The following NRXN3 variants were observed in gnomAD, a reference collection of about 807,000 sequenced individuals.
NRXN3 encodes neurexin III.
In NRXN3, 32 loss-of-function variants were observed where a neutral mutation model predicts 137.6. The observed-to-expected ratio is 0.23, with a 90% CI of 0.18 to 0.31. The LOEUF (loss-of-function observed/expected upper bound fraction) is 0.31. Ranked by LOEUF, NRXN3 falls within the 10% of genes least tolerant of loss-of-function variation. NRXN3 has a pLI of 1.00. For synonymous variants in NRXN3, 798 were observed against 784.5 expected (o/e 1.02, Z -0.29); for missense variants, 1,574 against 2,062.5 (o/e 0.76, Z 4.59).
intron 6 of NRXN3, among the ~76,000 whole-genome samples, chr14:78,680,273 G>C (rs1170479003): frequency 6.6e-6 from 1 of 152,058 alleles, no homozygotes; most frequent in East Asian, 1.9e-4. Context: ...AATAACTAAT[G>C]AGTGCTAGGC....
chr14:79,720,712 CAGTT>C (rs201193734), intron 19 of NRXN3, among the ~76,000 whole-genome samples: 2,592 of 152,054 alleles, frequency 0.017, 28 homozygotes, highest in Middle Eastern at 0.027. Context: ...AAACTAAAGA[CAGTT>C]AAGTCAATTG....
At chr14:78,616,738 T>C (rs1051547453) in intron 4 of NRXN3, among the ~76,000 whole-genome samples, 1 of 152,242 alleles carries the variant, frequency 6.6e-6, no homozygotes, top group Non-Finnish European at 1.5e-5. Context: ...TGTGAGATAA[T>C]GCACTCTGCT....
chr14:78,505,558 G>C (rs2153782163), intron 4 of NRXN3, among the ~76,000 whole-genome samples: 1 of 152,186 alleles, frequency 6.6e-6, no homozygotes, highest in South Asian at 2.1e-4. Flanking sequence ...CTCTAAAAAT[G>C]CTAGATGAGC....
In NRXN3 at chr14:79,479,193, G is replaced by A. The variant is rs569770291; in HGVS notation, c.3444+11791G>A. 3.3e-5 allele frequency among the ~76,000 whole-genome samples: 5 copies of A among 152,092 alleles called. No homozygotes were observed. In the South Asian group the frequency reaches 6.2e-4, roughly 19 times the overall value. On this transcript the variant is annotated intron_variant, in intron 16 of 20. Transcript: ENST00000335750. ...ACTAAACTTTTTTGAAAATAATTCC[G>A]CTGGCTGACTTTTCATGGCTAAAAA... is the stretch of plus-strand genomic sequence containing the variant.
chr14:78,500,610 A>G (rs1037899884), intron 4 of NRXN3, among the ~76,000 whole-genome samples: 1 of 152,152 alleles, frequency 6.6e-6, no homozygotes, highest in African/African-American at 2.4e-5. Flanking sequence ...AGCTGAAAGT[A>G]CAGGATAGTA....
chr14:78,715,999 G>A (rs2098430777), intron 8 of NRXN3, among the ~76,000 whole-genome samples: 1 of 152,170 alleles, frequency 6.6e-6, no homozygotes, highest in Non-Finnish European at 1.5e-5. Flanking sequence ...AGAATGGACT[G>A]GATGCTTTGT....
At chr14:79,254,133 C>T (rs2076284733) in intron 15 of NRXN3, among the ~76,000 whole-genome samples, 1 of 152,088 alleles carries the variant, frequency 6.6e-6, no homozygotes, top group Admixed American at 6.6e-5. Flanking sequence ...AAAATATGTG[C>T]CCCCATAACA....
chr14:79,588,708 G>A (rs1175802481), intron 16 of NRXN3, among the ~76,000 whole-genome samples: 1 of 152,200 alleles, frequency 6.6e-6, no homozygotes, highest in African/African-American at 2.4e-5. Context: ...TGAACTGAGA[G>A]AGAAGACTCT....
intron 4 of NRXN3, among the ~76,000 whole-genome samples, chr14:78,546,295 G>C (rs973337724): frequency 6.6e-6 from 1 of 152,082 alleles, no homozygotes; most frequent in African/African-American, 2.4e-5. Context: ...ATTTTAATTT[G>C]CATTTCTCGG....
chr14:79,090,176 G>A (rs1468842782), intron 15 of NRXN3, among the ~76,000 whole-genome samples: 1 of 151,972 alleles, frequency 6.6e-6, no homozygotes, highest in African/African-American at 2.4e-5. Flanking sequence ...GTCTTTCCTG[G>A]TTCTAGATTA....
intron 16 of NRXN3, among the ~76,000 whole-genome samples, chr14:79,624,790 C>CA (rs1567698949): frequency 8.4e-6 from 1 of 119,524 alleles, no homozygotes; most frequent in East Asian, 2.1e-4. Context: ...CTTTCTTTCC[C>CA]GTTTTTTTTT....
intron 4 of NRXN3, among the ~76,000 whole-genome samples, chr14:78,327,055 T>G (rs2080195177): frequency 6.6e-6 from 1 of 152,222 alleles, no homozygotes; most frequent in Non-Finnish European, 1.5e-5. Context: ...ACAAGAATAC[T>G]TGGCACATGA....
intron 19 of NRXN3, among the ~76,000 whole-genome samples, chr14:79,784,997 C>T (rs2099125157): frequency 6.6e-6 from 1 of 152,068 alleles, no homozygotes; most frequent in Non-Finnish European, 1.5e-5. Flanking sequence ...AATTGTTACC[C>T]ACAGATAAGA....
chr14:79,301,363 G>A (rs1598445056), intron 15 of NRXN3, among the ~76,000 whole-genome samples: 1 of 151,932 alleles, frequency 6.6e-6, no homozygotes, highest in Non-Finnish European at 1.5e-5. Flanking sequence ...TGATTTCATC[G>A]GCAGCTGTCT....
At chr14:79,464,778 TGGAGAC>T (rs2096400035) in intron 15 of NRXN3, among the ~76,000 whole-genome samples, 2 of 152,222 alleles carry the variant, frequency 1.3e-5, no homozygotes, top group Non-Finnish European at 2.9e-5. Context: ...AGGCTCAGGC[TGGAGAC>T]TTGAAAGTGG....
intron 6 of NRXN3, among the ~76,000 whole-genome samples, chr14:78,672,431 A>G (rs1178063387): frequency 6.6e-6 from 1 of 152,230 alleles, no homozygotes; most frequent in Non-Finnish European, 1.5e-5. Context: ...TCAGTGCTGA[A>G]TTGATTACTT....
At chr14:78,420,258 C>T (rs953932363) in intron 4 of NRXN3, among the ~76,000 whole-genome samples, 1 of 152,006 alleles carries the variant, frequency 6.6e-6, no homozygotes, top group African/African-American at 2.4e-5. Context: ...TTTTAAATCA[C>T]AAAACAAAAC....
chr14:79,569,797 C>G (rs2097582831), intron 16 of NRXN3, among the ~76,000 whole-genome samples: 2 of 152,040 alleles, frequency 1.3e-5, no homozygotes, highest in Admixed American at 6.6e-5. Flanking sequence ...TTTGTAGAGA[C>G]CGGGTTTTGC....
At chr14:78,556,679 A>G (rs559413823) in intron 4 of NRXN3, among the ~76,000 whole-genome samples, 32 of 152,224 alleles carry the variant, frequency 2.1e-4, no homozygotes, top group East Asian at 1.9e-4. Flanking sequence ...CCTTGTGTAT[A>G]AATAGCATTT....
Sources: allele counts gnomAD v4.1 joint callset (sites outside exome capture counted in the v4.1 genomes callset), GRCh38; gene constraint gnomAD v4.1.1; transcripts MANE v1.5; gene names NCBI Gene and HGNC (gene_info 2026-07-23, HGNC 2026-07-21).